Variants in GCN1 observed in about 807,000 individuals in gnomAD.
The protein encoded by GCN1 is stalled ribosome sensor GCN1.
Under a neutral mutation model 288.4 loss-of-function variants are expected in GCN1, and 90 were observed. That is an observed-to-expected ratio of 0.31 (90% confidence interval 0.26 to 0.37). The LOEUF is 0.37. Among genes scored for constraint, GCN1 ranks in the 10% least tolerant of loss-of-function variants. The pLI, the probability that GCN1 is intolerant of heterozygous loss-of-function variation, is 1.00. For missense variants in GCN1, 2,586 were observed against 3,419.9 expected, an observed-to-expected ratio of 0.76 and a Z score of 6.08; for synonymous variants, 1,386 against 1,420.2, an observed-to-expected ratio of 0.98 and a Z score of 0.54.
Position 120,138,339 on chromosome 12 carries a change from G to C in GCN1, c.6233C>G (p.Pro2078Arg). ...GGGATTTACCTTGGGCACAAGGTAG[G>C]GCAGCACCACACGACTCTTAATAGC... ...VMAIKSRVVL[P>R]YLVPKLTTPP... Residue 2078 changes from proline (P) to arginine (R), a missense_variant, in exon 47 of 58, where the codon CCC becomes CGC. Physicochemically the swap from Pro to Arg is moderately radical, Grantham distance 103. This residue lies in a region of GCN1 where 437 missense variants were observed against 570.5 expected (regional missense o/e 0.77). Transcript: ENST00000300648. The C allele has an allele frequency of 1.2e-6, 2 of 1,602,748 alleles. No homozygotes were observed. Among genetic ancestry groups the C allele is most frequent in the Non-Finnish European group, 1.7e-6 (2 of 1,169,558 alleles).
chr12:120,135,037 A>G (rs532664001), intron 51 of GCN1, among the ~76,000 whole-genome samples: 1 of 152,352 alleles, frequency 6.6e-6, no homozygotes, highest in East Asian at 1.9e-4. Flanking sequence ...GTCCATATCG[A>G]TAAGTGACTC....
chr12:120,157,339 G>A (rs1185976938), intron 26 of GCN1, among the ~76,000 whole-genome samples: 1 of 152,150 alleles, frequency 6.6e-6, no homozygotes, highest in African/African-American at 2.4e-5. Flanking sequence ...ACTATCTGAG[G>A]TTGCATTAAG....
chr12:120,182,213 C>A (rs1483215885), intron 5 of GCN1, among the ~76,000 whole-genome samples: 1 of 152,016 alleles, frequency 6.6e-6, no homozygotes, highest in Non-Finnish European at 1.5e-5. Context: ...ATGAGCTTGC[C>A]CCTTCTTACA....
rs1212707682 is a variant in GCN1, at chr12:120,142,007, T to C, written c.5829+500A>G. On this transcript the variant is annotated intron_variant, in intron 44 of 57. Coordinates refer to ENST00000300648, the MANE Select transcript of GCN1 (RefSeq NM_006836.2). This position sits in a 1 kb window ranked among gnomAD's most constrained non-coding sequence, Gnocchi z 4.9. The stretch of plus-strand genomic sequence containing the variant: ...ATTGTGTCCCCAGGTGCTAGGCCCC[T>C]GCTTAGTGCACAGGAGATGCTAATA... Among the ~76,000 whole-genome samples the C allele has an allele frequency of 6.6e-6, 1 of 152,212 alleles. No individual in the cohort carries two copies. The highest frequency in any genetic ancestry group is 1.5e-5 in the Non-Finnish European group (1 of 68,046).
At position 120,153,775 on chromosome 12, in the gene GCN1, G is replaced by A. The variant is rs1156772892; in HGVS notation, c.3836C>T (p.Ala1279Val). 6.2e-6 allele frequency: 10 copies of A among 1,614,030 alleles called. No individual in the cohort carries two copies. The Admixed American group carries it at 1.2e-4, about 19-fold the overall frequency. ...ATGAGTGTTGAGCGTTGCGAGGGCT[G>A]CATCCAACATGCACTTCCGGACATC... Reference protein sequence around the residue: ...HPDVRKCMLDAALATLNTHGK... With the variant: ...HPDVRKCMLDVALATLNTHGK... Residue 1279 changes from alanine (A) to valine (V), a missense_variant, in exon 32 of 58, where the codon GCA becomes GTA. Physicochemically the swap from Ala to Val is moderately conservative, Grantham distance 64 (BLOSUM62 0). This residue lies in a region of GCN1 where 332 missense variants were observed against 403.0 expected (regional missense o/e 0.82). Coordinates refer to ENST00000300648, the MANE Select transcript of GCN1 (RefSeq NM_006836.2). This position sits in a 1 kb window ranked among gnomAD's most constrained non-coding sequence, Gnocchi z 4.4.
At position 120,158,693 on chromosome 12, in the gene GCN1, C is replaced by T; in HGVS notation, c.2750-78G>A. ...CCAGCCCAGGCTAAAACAGGGGACC[C>T]AGTGCCTCATCCTTCTGACTTAAAA... On this transcript the variant is annotated intron_variant, in intron 24 of 57. Transcript: ENST00000300648. This position sits in a 1 kb window ranked among gnomAD's most constrained non-coding sequence, Gnocchi z 4.3. The T allele has an allele frequency of 8.2e-7, 1 of 1,225,710 alleles. No individual in the cohort carries two copies. Among genetic ancestry groups the T allele is most frequent in the African/African-American group, 1.5e-5 (1 of 66,222 alleles). The allele number at this position is 1,225,710 out of a possible 1,614,324, so 75.9% of individuals were successfully genotyped here. A position where few individuals can be genotyped will look rare whatever the true frequency, so the allele number is the denominator to read the frequency against.
intron 38 of GCN1, among the ~76,000 whole-genome samples, 161 bp downstream of exon 38, chr12:120,146,891 G>A (rs1389537946): frequency 6.6e-6 from 1 of 152,210 alleles, no homozygotes; most frequent in Non-Finnish European, 1.5e-5. Flanking sequence ...GATGCCCAGA[G>A]AGCCCGGATT....
At chr12:120,185,306 A>G (rs1878786296) in intron 2 of GCN1, among the ~76,000 whole-genome samples, 1 of 152,210 alleles carries the variant, frequency 6.6e-6, no homozygotes, top group Non-Finnish European at 1.5e-5. Flanking sequence ...ACACTGAAGT[A>G]CTATGAGGGA....
intron 13 of GCN1, 71 bp downstream of exon 13, chr12:120,174,000 A>C: frequency 9.2e-7 from 1 of 1,088,878 alleles, no homozygotes; most frequent in Non-Finnish European, 1.4e-6. Context: ...ATGGAAGGAA[A>C]GCTCCAACTG....
Position 120,164,465 on chromosome 12 carries a change from G to A in GCN1, c.1719C>T (p.Leu573=). The part of the protein sequence containing the change: ...QQYHRALVAV[L]LSRTWHVRRQ... Reference sequence around the variant, plus strand: ...TGCGGACGTGCCAGGTGCGGCTCAGGAGCACCGCCACCAGAGCCCGGTGGT... The same window carrying A: ...TGCGGACGTGCCAGGTGCGGCTCAGAAGCACCGCCACCAGAGCCCGGTGGT... The change falls in exon 18 of 58, where the codon CTC becomes CTT. Residue 573 remains leucine, a synonymous_variant. Coordinates refer to ENST00000300648, the MANE Select transcript of GCN1 (RefSeq NM_006836.2). The A allele has an allele frequency of 1.9e-6, 3 of 1,614,124 alleles. No individual in the cohort carries two copies. The highest frequency in any genetic ancestry group is 1.7e-4 in the Middle Eastern group (1 of 6,058).
Position 120,153,840 on chromosome 12 carries a change from A to C in GCN1, c.3771T>G (p.Phe1257Leu), listed in dbSNP as rs1466761063. The change falls in exon 32 of 58, where the codon TTT (phenylalanine) becomes TTG (leucine). Residue 1257 changes from phenylalanine (F) to leucine (L), a missense_variant. By Grantham distance (22) the Phe-to-Leu change is conservative. Transcript: ENST00000300648. The surrounding 1 kb of genome is among the most constrained non-coding windows in gnomAD (Gnocchi z 4.4). ...YLDSSQVKPL[F>L]QFFVPDALND... ...TGAGGGCATCAGGGACAAAAAACTG[A>C]AAGAGTGGCTTCACCTGAGAGCTGT... 3.7e-6 allele frequency: 6 copies of C among 1,614,102 alleles called. No homozygotes were observed. The highest frequency in any genetic ancestry group is 1.1e-5 in the South Asian group (1 of 91,080).
rs1055450980 is a variant in GCN1, at chr12:120,140,790, G to A, written c.5994+69C>T. On this transcript the variant is annotated intron_variant, in intron 45 of 57. Transcript: ENST00000300648. ...CCCTAGAGGTGAACCTCCTTCAGTAGCCCTCCCCCGCCCTCTGAGTCAGGT... is the reference window on the plus strand; with the variant it reads ...CCCTAGAGGTGAACCTCCTTCAGTAACCCTCCCCCGCCCTCTGAGTCAGGT... The A allele has an allele frequency of 2.3e-5, 33 of 1,451,740 alleles. No homozygotes were observed. In the East Asian group the frequency reaches 5.5e-4, roughly 24 times the overall value. 89.9% of individuals were successfully genotyped at this position (1,451,740 alleles called of 1,614,324 possible).
At chr12:120,164,272 C>G in intron 18 of GCN1, 64 bp downstream of exon 18, 1 of 1,456,562 alleles carries the variant, frequency 6.9e-7, no homozygotes, top group East Asian at 2.3e-5. Flanking sequence ...CAAAACCCCA[C>G]ATCGTAAGCA....
Position 120,153,994 on chromosome 12 carries a change from G to A in GCN1, c.3702-85C>T. 1 of 1,195,398 alleles carries A rather than the reference G, an allele frequency of 8.4e-7. No homozygotes were observed. Among genetic ancestry groups the A allele is most frequent in the Non-Finnish European group, 1.2e-6 (1 of 841,602 alleles). 74.0% of individuals were successfully genotyped at this position (1,195,398 alleles called of 1,614,324 possible). A position where few individuals can be genotyped will look rare whatever the true frequency, so the allele number is the denominator to read the frequency against. On this transcript the variant is annotated intron_variant, in intron 31 of 57. Coordinates refer to ENST00000300648, the MANE Select transcript of GCN1 (RefSeq NM_006836.2). The surrounding 1 kb of genome is among the most constrained non-coding windows in gnomAD (Gnocchi z 4.4). ...AACCTCTGCTGGTGCACGGCAAGGA[G>A]AGGGAGCTTGCCTGAGGCAAACACT...
At chr12:120,178,536 G>A in intron 7 of GCN1, 89 bp downstream of exon 7, 1 of 1,353,870 alleles carries the variant, frequency 7.4e-7, no homozygotes, top group Non-Finnish European at 1.1e-6. Context: ...AGGGTCACCA[G>A]GGCAAAGCAG....
chr12:120,164,637 C>T lies in GCN1; in HGVS notation c.1688+9G>A. The T allele has an allele frequency of 1.2e-6, 2 of 1,612,626 alleles. No individual in the cohort carries two copies. Among genetic ancestry groups the T allele is most frequent in the Non-Finnish European group, 1.7e-6 (2 of 1,178,604 alleles). ...GGCCCAAAAGAAAAGGTAAGCCAGC[C>T]TCACGTACTGAACTTTGTTGCCAGT... On this transcript the variant is annotated intron_variant, in intron 17 of 57. Transcript: ENST00000300648.
chr12:120,128,043 A>G, intron 57 of GCN1, 69 bp from the exon 58 acceptor site: 1 of 1,567,570 alleles, frequency 6.4e-7, no homozygotes, highest in African/African-American at 1.3e-5. Context: ...CAATTGGAGA[A>G]AGACAAAAAT....
At position 120,128,017 on chromosome 12, in the gene GCN1, C is replaced by T. The variant is rs371419109; in HGVS notation, c.7891-43G>A. On this transcript the variant is annotated intron_variant, in intron 57 of 57. Transcript: ENST00000300648. ...CAGGAGGAAACATAGTCAGAACATA[C>T]GGCTGCCACGTTCTCCAATTGGAGA... The T allele has an allele frequency of 2.4e-4, 383 of 1,599,202 alleles. 5 individuals carry two copies. The highest frequency in any genetic ancestry group is 1.2e-3 in the South Asian group (106 of 90,678).
intron 16 of GCN1, among the ~76,000 whole-genome samples, chr12:120,166,473 G>A (rs1243846026): frequency 2.7e-5 from 4 of 150,788 alleles, no homozygotes; most frequent in African/African-American, 9.8e-5. Context: ...GGGAGGCCAA[G>A]GTGGGCGGAT....
Sources: allele counts gnomAD v4.1 joint callset (sites outside exome capture counted in the v4.1 genomes callset), GRCh38; gene constraint gnomAD v4.1.1; regional missense constraint gnomAD v4.1.1; non-coding constraint Gnocchi (gnomAD v3.1); transcripts MANE v1.5; gene names NCBI Gene and HGNC (gene_info 2026-07-23, HGNC 2026-07-21).